MYCBPAP: variants seen among roughly 807,000 people sequenced by gnomAD.
MYCBPAP encodes the protein MYCBP associated protein.
Under a neutral mutation model 106.1 loss-of-function variants are expected in MYCBPAP, and 60 were observed. The observed-to-expected ratio is 0.57, with a 90% CI of 0.46 to 0.70. The LOEUF (loss-of-function observed/expected upper bound fraction) is 0.70, where lower values mean the gene tolerates loss of function less well. Ranked by LOEUF, MYCBPAP falls within the 30% of genes least tolerant of loss-of-function variation. The pLI is 0.00. For synonymous variants in MYCBPAP, 407 were observed against 440.6 expected (o/e 0.92, Z 0.95); for missense variants, 1,064 against 1,169.3 (o/e 0.91, Z 1.31).
Position 50,519,697 on chromosome 17 carries a change from G to T in MYCBPAP, c.826G>T (p.Gly276Cys). Residue 276 changes from glycine to cysteine, a missense_variant, in exon 7 of 19, where the codon GGT (glycine) becomes TGT (cysteine). Physicochemically the swap from Gly to Cys is radical, Grantham distance 159. Transcript: ENST00000323776. The stretch of plus-strand genomic sequence containing the variant: ...GGAATACTTGGGAGATGAGATGACA[G>T]GTCTGGTCATGACCAAGACAAAAAC... ...RLEYLGDEMT[G>C]LVMTKTKTQR... 1 of 1,614,144 alleles carries T rather than the reference G, an allele frequency of 6.2e-7. No individual in the cohort carries two copies. Among genetic ancestry groups the T allele is most frequent in the South Asian group, 1.1e-5 (1 of 91,074 alleles).
Position 50,518,712 on chromosome 17 carries a change from G to A in MYCBPAP, c.640G>A (p.Glu214Lys). 2 of 1,586,696 alleles carry A rather than the reference G, an allele frequency of 1.3e-6. No homozygotes were observed. The highest frequency in any genetic ancestry group is 1.2e-5 in the South Asian group (1 of 86,652). Residue 214 changes from glutamate (E) to lysine (K), a missense_variant, in exon 5 of 19, where the codon GAA becomes AAA. Glu to Lys is a moderately conservative substitution (Grantham distance 56). Coordinates refer to ENST00000323776, the MANE Select transcript of MYCBPAP (RefSeq NM_032133.6). ...CACAGCCCTGCGGAAGAAGCAGCAG[G>A]AAGCCCTCAGCGGTGAGCAGAGCAG... ...RNTALRKKQQ[E>K]ALSEHLKKPV...
At chr17:50,516,356 G>A (rs1488637956) in intron 1 of MYCBPAP, among the ~76,000 whole-genome samples, 1 of 152,182 alleles carries the variant, frequency 6.6e-6, no homozygotes, top group East Asian at 1.9e-4. Context: ...TGAGCCAGGG[G>A]CTGTGGGTAG....
intron 1 of MYCBPAP, among the ~76,000 whole-genome samples, chr17:50,513,368 C>T: frequency 6.7e-6 from 1 of 149,528 alleles, no homozygotes; most frequent in East Asian, 1.9e-4. Flanking sequence ...GCCTGGGGGA[C>T]AGAGTGAGAC....
rs1250791594 is a variant in MYCBPAP, at chr17:50,516,554, T to C, written c.77-16T>C. On this transcript the variant is annotated splice_polypyrimidine_tract_variant and intron_variant, in intron 1 of 18. Transcript: ENST00000323776. ...GGAGCTCTTTAAGGACTTAATAACTTTCTGCTTCTCTTCAGAAAAGAAGCG... is the reference window on the plus strand; with the variant it reads ...GGAGCTCTTTAAGGACTTAATAACTCTCTGCTTCTCTTCAGAAAAGAAGCG... 1 of 1,612,222 alleles carries C rather than the reference T, an allele frequency of 6.2e-7. No individual in the cohort carries two copies. The highest frequency in any genetic ancestry group is 1.3e-5 in the African/African-American group (1 of 74,832).
At position 50,526,141 on chromosome 17, in the gene MYCBPAP, G is replaced by C; in HGVS notation, c.2043G>C (p.Gln681His). Residue 681 changes from glutamine (Q) to histidine (H), a missense_variant, in exon 14 of 19, where the codon CAG becomes CAC. By Grantham distance (24) the Gln-to-His change is conservative (BLOSUM62 0). Transcript: ENST00000323776. ...QKARVGTKSP[Q>H]RKSIMEEILV... The stretch of plus-strand genomic sequence containing the variant: ...CCAGAGTGGGGACCAAGAGTCCTCA[G>C]CGGAAGAGCATCATGGAGGAGATCC... The C allele has an allele frequency of 1.9e-6, 3 of 1,613,806 alleles. No homozygotes were observed. The highest frequency in any genetic ancestry group is 2.5e-6 in the Non-Finnish European group (3 of 1,179,960).
At position 50,531,453 on chromosome 17, in the gene MYCBPAP, GA is replaced by G; in HGVS notation, c.*29del. 6.5e-7 allele frequency: 1 copy of G among 1,543,590 alleles called. No homozygotes were observed. Among genetic ancestry groups the G allele is most frequent in the Non-Finnish European group, 8.8e-7 (1 of 1,132,532 alleles). ...ACTCTCGGGCCCAAGCAACCTTCTG[GA>G]AAACGGGTTAATAAATAAATCAATA... is the stretch of plus-strand genomic sequence containing the variant. On this transcript the variant is annotated 3_prime_UTR_variant, in exon 19 of 19. Coordinates refer to ENST00000323776, the MANE Select transcript of MYCBPAP (RefSeq NM_032133.6).
intron 12 of MYCBPAP, 142 bp from the exon 13 acceptor site, chr17:50,524,735 T>TGA (rs1023452414): frequency 4.1e-4 from 98 of 238,598 alleles, no homozygotes; most frequent in African/African-American, 2.8e-3. Flanking sequence ...TGTGTGTGTG[T>TGA]GTGAGAGAGA....
In MYCBPAP at chr17:50,508,955, G is replaced by A. The variant is rs1410514868; in HGVS notation, c.76+205G>A. The A allele has an allele frequency of 1.3e-5, 9 of 707,218 alleles. No homozygotes were observed. The East Asian group carries it at 1.9e-4, about 15-fold the overall frequency. 43.8% of individuals were successfully genotyped at this position (707,218 alleles called of 1,614,324 possible). On this transcript the variant is annotated intron_variant, in intron 1 of 18. Coordinates refer to ENST00000323776, the MANE Select transcript of MYCBPAP (RefSeq NM_032133.6). Reference sequence around the variant, plus strand: ...ACAGCGCACTGGGCCTTGGGGATGGGGACATAGGAAGTGGGAGACTGACAG... The same window carrying A: ...ACAGCGCACTGGGCCTTGGGGATGGAGACATAGGAAGTGGGAGACTGACAG...
chr17:50,522,709 A>AAAAAAAAAAAAACAAAAAATATAT, intron 10 of MYCBPAP: 1 of 50,016 alleles, frequency 2.0e-5, no homozygotes, highest in African/African-American at 1.2e-4. Flanking sequence ...AAAAAAAAAA[A>AAAAAAAAAAAAACAAAAAATATAT]ATATATATAT....
chr17:50,521,918 A>G, intron 9 of MYCBPAP, 55 bp from the exon 10 acceptor site: 1 of 1,539,990 alleles, frequency 6.5e-7, no homozygotes, highest in South Asian at 1.1e-5. Flanking sequence ...GTGGGGTTCC[A>G]CATGGCATGA....
intron 1 of MYCBPAP, among the ~76,000 whole-genome samples, chr17:50,511,897 C>G (rs1597818765): frequency 1.3e-5 from 2 of 152,110 alleles, no homozygotes; most frequent in Admixed American, 6.5e-5. Context: ...CCATCTGGCT[C>G]TCTTCATCTG....
In MYCBPAP at chr17:50,523,136, G is replaced by A. The variant is rs1597839039; in HGVS notation, c.1447+8G>A. 2 of 1,611,918 alleles carry A rather than the reference G, an allele frequency of 1.2e-6. No individual in the cohort carries two copies. The highest frequency in any genetic ancestry group is 2.2e-5 in the East Asian group (1 of 44,842). On this transcript the variant is annotated splice_region_variant and intron_variant, in intron 11 of 18. Coordinates refer to ENST00000323776, the MANE Select transcript of MYCBPAP (RefSeq NM_032133.6). ...ACTTTGACAACCGGGAAGGTACTCG[G>A]GAGAAGCCACCCTATGTGCTAGCTC...
intron 1 of MYCBPAP, chr17:50,509,470 C>A: frequency 4.1e-6 from 1 of 246,588 alleles, no homozygotes; most frequent in East Asian, 8.4e-5. Context: ...GCAACCCACC[C>A]CCTTTTGATC....
At chr17:50,523,393 G>A (rs896054531) in intron 11 of MYCBPAP, among the ~76,000 whole-genome samples, 1 of 152,166 alleles carries the variant, frequency 6.6e-6, no homozygotes, top group African/African-American at 2.4e-5. Flanking sequence ...ACAGGCCTGG[G>A]GCTAGGATGG....
chr17:50,529,217 CCT>C (rs1316003284), intron 18 of MYCBPAP, 29 bp downstream of exon 18: 12 of 1,594,680 alleles, frequency 7.5e-6, no homozygotes, highest in Non-Finnish European at 1.0e-5. Context: ...CAGCCATTCC[CCT>C]GCCTCCCACC....
chr17:50,525,783 G>A, intron 13 of MYCBPAP, 98 bp from the exon 14 acceptor site: 1 of 1,413,964 alleles, frequency 7.1e-7, no homozygotes, highest in Admixed American at 2.3e-5. Context: ...GAGCCACTGT[G>A]CCTGGCCCTT....
chr17:50,527,161 G>C (rs2034488834), intron 14 of MYCBPAP, 126 bp from the exon 15 acceptor site: 1 of 1,353,558 alleles, frequency 7.4e-7, no homozygotes, highest in African/African-American at 1.4e-5. Flanking sequence ...CACCCAGACA[G>C]CTCTCCATAG....
chr17:50,516,619 A>T lies in MYCBPAP; in HGVS notation c.126A>T (p.Glu42Asp). Residue 42 changes from glutamate to aspartate, a missense_variant, in exon 2 of 19, where the codon GAA becomes GAT. Physicochemically the swap from Glu to Asp is conservative, Grantham distance 45. Coordinates refer to ENST00000323776, the MANE Select transcript of MYCBPAP (RefSeq NM_032133.6). The stretch of plus-strand genomic sequence containing the variant: ...AACAACCCACACCCACAATTCAGGA[A>T]GAGCCTGAACCTGTTAGCAATGTCC... ...GPEQPTPTIQ[E>D]EPEPVSNVLQ... 1 of 1,614,214 alleles carries T rather than the reference A, an allele frequency of 6.2e-7. No homozygotes were observed. Among genetic ancestry groups the T allele is most frequent in the Non-Finnish European group, 8.5e-7 (1 of 1,180,008 alleles).
At chr17:50,518,896 G>A (rs1182756474) in intron 5 of MYCBPAP, 78 bp from the exon 6 acceptor site, 13 of 1,477,426 alleles carry the variant, frequency 8.8e-6, no homozygotes, top group Non-Finnish European at 1.2e-5. Context: ...CTGTGAGGGA[G>A]GCTGCCCGAT....
Sources: allele counts gnomAD v4.1 joint callset (sites outside exome capture counted in the v4.1 genomes callset), GRCh38; gene constraint gnomAD v4.1.1; transcripts MANE v1.5; gene names NCBI Gene and HGNC (gene_info 2026-07-23, HGNC 2026-07-21).